The following HS3ST4 variants were observed in gnomAD, a reference collection of about 807,000 sequenced individuals.
HS3ST4 encodes heparan sulfate-glucosamine 3-sulfotransferase 4, also known as heparan sulfate glucosamine 3-O-sulfotransferase 4.
A neutral mutation model predicts 29.2 loss-of-function variants in HS3ST4; 17 were observed. The observed-to-expected ratio is 0.58, with a 90% CI of 0.40 to 0.87. The LOEUF (loss-of-function observed/expected upper bound fraction) is 0.87, where lower values mean the gene tolerates loss of function less well. Ranked by LOEUF, HS3ST4 falls within the 40% of genes least tolerant of loss-of-function variation. HS3ST4 has a pLI of 0.00. For missense variants in HS3ST4, 627 were observed against 634.5 expected (o/e 0.99, Z 0.13); for synonymous variants, 314 against 285.7 (o/e 1.10, Z -1.00).
chr16:25,858,924 C>T (rs1967610256), intron 1 of HS3ST4, among the ~76,000 whole-genome samples: 1 of 152,036 alleles, frequency 6.6e-6, no homozygotes, highest in South Asian at 2.1e-4. Flanking sequence ...CGAGAATACA[C>T]CAGAAACCTG....
intron 1 of HS3ST4, among the ~76,000 whole-genome samples, chr16:25,945,039 A>G (rs1245226087): frequency 2.6e-5 from 4 of 152,200 alleles, no homozygotes; most frequent in Non-Finnish European, 5.9e-5. Flanking sequence ...AGAATATTAG[A>G]TAGTGCTAAA....
chr16:25,866,845 G>A lies in HS3ST4; in HGVS notation c.734+173694G>A, dbSNP rs192842135. Among the ~76,000 whole-genome samples, 3 of 152,064 alleles carry A rather than the reference G, an allele frequency of 2.0e-5. No individual in the cohort carries two copies. In the East Asian group the frequency reaches 5.8e-4, roughly 29 times the overall value. ...AATAAATTAAAAAACAGAAACATTT[G>A]CCTATTTTTTAAAAAGACAGCACTT... On this transcript the variant is annotated intron_variant, in intron 1 of 1. Coordinates refer to ENST00000331351, the MANE Select transcript of HS3ST4 (RefSeq NM_006040.3).
chr16:25,816,210 T>TG (rs1967091261), intron 1 of HS3ST4, among the ~76,000 whole-genome samples: 1 of 152,188 alleles, frequency 6.6e-6, no homozygotes, highest in Non-Finnish European at 1.5e-5. Flanking sequence ...GTTGGAAAGC[T>TG]GCATGAGACC....
chr16:25,966,634 C>T (rs1177462676), intron 1 of HS3ST4, among the ~76,000 whole-genome samples: 2 of 152,148 alleles, frequency 1.3e-5, no homozygotes, highest in African/African-American at 4.8e-5. Context: ...GAAAGTTGCT[C>T]ATCTCAAAGT....
intron 1 of HS3ST4, among the ~76,000 whole-genome samples, chr16:26,018,037 T>C (rs1969377016): frequency 6.6e-6 from 1 of 152,196 alleles, no homozygotes; most frequent in Non-Finnish European, 1.5e-5. Flanking sequence ...TAAGCCAAGA[T>C]GGCCCGTCGC....
At chr16:25,735,847 TG>T (rs1214727008) in intron 1 of HS3ST4, among the ~76,000 whole-genome samples, 2 of 152,110 alleles carry the variant, frequency 1.3e-5, no homozygotes, top group Non-Finnish European at 2.9e-5. Context: ...GACATAGACC[TG>T]GAGCTAGGGG....
intron 1 of HS3ST4, among the ~76,000 whole-genome samples, chr16:26,006,712 T>C (rs1199640884): frequency 6.6e-6 from 1 of 152,186 alleles, no homozygotes; most frequent in Non-Finnish European, 1.5e-5. Flanking sequence ...AATTTTAGGT[T>C]TTACAATAGT....
chr16:25,900,583 G>C (rs1241475081), intron 1 of HS3ST4, among the ~76,000 whole-genome samples: 10 of 152,100 alleles, frequency 6.6e-5, no homozygotes, highest in Admixed American at 6.5e-4. Context: ...TTAGGAGTGC[G>C]GGTTAATGCA....
At chr16:25,742,327 C>T (rs1302386469) in intron 1 of HS3ST4, among the ~76,000 whole-genome samples, 1 of 152,178 alleles carries the variant, frequency 6.6e-6, no homozygotes, top group East Asian at 1.9e-4. Flanking sequence ...AAAGAGAAGC[C>T]TCCTTCCTGA....
intron 1 of HS3ST4, among the ~76,000 whole-genome samples, chr16:25,962,364 C>T (rs763150432): frequency 6.6e-6 from 1 of 152,110 alleles, no homozygotes; most frequent in Non-Finnish European, 1.5e-5. Flanking sequence ...GCTAGAGAGA[C>T]CTGAGTTCAA....
intron 1 of HS3ST4, among the ~76,000 whole-genome samples, chr16:26,110,928 G>A (rs1272622979): frequency 2.0e-5 from 3 of 151,988 alleles, no homozygotes; most frequent in Admixed American, 6.6e-5. Flanking sequence ...TTTAGAACAG[G>A]TTTTCCCTAG....
At chr16:26,014,370 G>A (rs898497555) in intron 1 of HS3ST4, among the ~76,000 whole-genome samples, 1 of 152,102 alleles carries the variant, frequency 6.6e-6, no homozygotes, top group African/African-American at 2.4e-5. Context: ...TAGGTTCAAG[G>A]TACATGTGCA....
intron 1 of HS3ST4, among the ~76,000 whole-genome samples, chr16:25,737,281 G>A (rs1021290824): frequency 2.6e-5 from 4 of 152,072 alleles, no homozygotes; most frequent in Admixed American, 1.3e-4. Flanking sequence ...ACTACACTTG[G>A]CCAGTGGTGA....
intron 1 of HS3ST4, among the ~76,000 whole-genome samples, chr16:26,075,142 G>A (rs528736062): frequency 3.3e-5 from 5 of 152,278 alleles, no homozygotes; most frequent in East Asian, 3.9e-4. Context: ...GCAGTGAGCC[G>A]AGGTGGTGCC....
chr16:25,828,931 A>T (rs1967265576), intron 1 of HS3ST4, among the ~76,000 whole-genome samples: 1 of 152,196 alleles, frequency 6.6e-6, no homozygotes, highest in African/African-American at 2.4e-5. Context: ...TTCATGTGAG[A>T]ATTTAATGCA....
intron 1 of HS3ST4, among the ~76,000 whole-genome samples, chr16:25,723,177 T>C (rs1456495093): frequency 6.6e-6 from 1 of 152,170 alleles, no homozygotes; most frequent in Non-Finnish European, 1.5e-5. Flanking sequence ...CAAGATCAGA[T>C]TTGGGTAGTG....
intron 1 of HS3ST4, among the ~76,000 whole-genome samples, chr16:26,090,840 C>A (rs114545755): frequency 0.024 from 3,655 of 152,182 alleles, 162 homozygotes; most frequent in African/African-American, 0.082. Context: ...CTCACCAGGC[C>A]CTGAAAGCAC....
chr16:25,743,016 A>G (rs1966664531), intron 1 of HS3ST4, among the ~76,000 whole-genome samples: 2 of 152,222 alleles, frequency 1.3e-5, no homozygotes, highest in Admixed American at 6.5e-5. Context: ...GAACTTCCGC[A>G]AAGCCCCTGG....
chr16:26,101,829 C>A (rs112055199), intron 1 of HS3ST4, among the ~76,000 whole-genome samples: 9 of 152,092 alleles, frequency 5.9e-5, no homozygotes, highest in African/African-American at 1.9e-4. Flanking sequence ...ATTTTTATAA[C>A]CAAATAACCA....
Sources: gnomAD v4.1 joint callset for allele counts (sites outside exome capture counted in the v4.1 genomes callset) on GRCh38, gnomAD v4.1.1 for gene constraint, MANE v1.5 for transcripts, NCBI Gene and HGNC (gene_info 2026-07-23, HGNC 2026-07-21) for gene names.